Variants in LAMA1 observed in about 807,000 individuals in gnomAD.
LAMA1 encodes the protein laminin subunit alpha-1.
A neutral mutation model predicts 348.7 loss-of-function variants in LAMA1; 219 were observed. The ratio of observed to expected loss-of-function variants is 0.63; its 90% CI spans 0.56 to 0.70. The LOEUF (loss-of-function observed/expected upper bound fraction) is 0.70, where lower values mean the gene tolerates loss of function less well. Ranked by LOEUF, LAMA1 falls within the 30% of genes least tolerant of loss-of-function variation. LAMA1 has a pLI of 0.00. For missense variants in LAMA1, 3,744 were observed against 3,888.0 expected (o/e 0.96, Z 0.99); for synonymous variants, 1,487 against 1,491.0 (o/e 1.00, Z 0.06).
intron 3 of LAMA1, among the ~76,000 whole-genome samples, chr18:7,060,632 T>C (rs1043279488): frequency 1.3e-5 from 2 of 152,100 alleles, no homozygotes; most frequent in East Asian, 1.9e-4. Context: ...GTAAGAGAGA[T>C]GATTGCTGAC....
rs1219839690 is a variant in LAMA1 at position 6,965,815 on chromosome 18, T to G, written c.7050+332A>C. 5 of 405,244 alleles carry G rather than the reference T, an allele frequency of 1.2e-5. No individual in the cohort carries two copies. In the East Asian group the frequency reaches 2.6e-4, roughly 21 times the overall value. The allele number at this position is 405,244 out of a possible 1,614,324, so 25.1% of individuals were successfully genotyped here. A position where few individuals can be genotyped will look rare whatever the true frequency, so the allele number is the denominator to read the frequency against. On this transcript the variant is annotated intron_variant, in intron 49 of 62. Transcript: ENST00000389658. ...TCCCATGGATGGAATTCAAACAATG[T>G]CACGGTGGTCACAGTGAACCCAGAA...
At chr18:6,985,699 C>T (rs1197388461) in intron 37 of LAMA1, 56 bp from the exon 38 acceptor site, 21 of 1,059,640 alleles carry the variant, frequency 2.0e-5, no homozygotes, top group Non-Finnish European at 2.9e-5. Context: ...TGCTTCTGAC[C>T]TTTGGTGCCT....
chr18:6,971,184 A>G (rs2057656648), intron 48 of LAMA1, among the ~76,000 whole-genome samples: 2 of 152,220 alleles, frequency 1.3e-5, no homozygotes, highest in Non-Finnish European at 2.9e-5. Flanking sequence ...TTATATACTT[A>G]AGGAGTTGCA....
At chr18:7,070,393 T>C (rs2058141010) in intron 3 of LAMA1, among the ~76,000 whole-genome samples, 2 of 152,212 alleles carry the variant, frequency 1.3e-5, no homozygotes, top group Admixed American at 1.3e-4. Context: ...CCAATTTAGA[T>C]GCAATTCTTG....
At chr18:7,022,760 G>A (rs991831333) in intron 19 of LAMA1, among the ~76,000 whole-genome samples, 4 of 152,166 alleles carry the variant, frequency 2.6e-5, no homozygotes, top group African/African-American at 7.2e-5. Flanking sequence ...TGGGGTTACA[G>A]TCTTACCATT....
intron 11 of LAMA1, 92 bp from the exon 12 acceptor site, chr18:7,037,843 T>TG: frequency 7.5e-7 from 1 of 1,328,030 alleles, no homozygotes. Flanking sequence ...AATGAAGAAA[T>TG]GGGCCAGAAA....
chr18:7,098,942 C>T (rs542730552), intron 1 of LAMA1, among the ~76,000 whole-genome samples: 74 of 152,032 alleles, frequency 4.9e-4, no homozygotes, highest in African/African-American at 1.6e-3. Flanking sequence ...CCCCTCTGCC[C>T]GGCCACCACC....
intron 1 of LAMA1, among the ~76,000 whole-genome samples, chr18:7,091,222 T>C (rs1264423389): frequency 2.0e-5 from 3 of 152,250 alleles, no homozygotes; most frequent in Non-Finnish European, 4.4e-5. Flanking sequence ...ATTAAAATTA[T>C]TATTGCACTT....
At chr18:7,066,808 T>G (rs887627887) in intron 3 of LAMA1, among the ~76,000 whole-genome samples, 1 of 152,196 alleles carries the variant, frequency 6.6e-6, no homozygotes, top group African/African-American at 2.4e-5. Context: ...TTGAGCAATG[T>G]TTTTGAAAAA....
chr18:6,948,683 A>G, intron 59 of LAMA1, 127 bp from the exon 60 acceptor site: 3 of 1,044,872 alleles, frequency 2.9e-6, no homozygotes, highest in Non-Finnish European at 2.8e-6. Context: ...TTTGTTTTAA[A>G]ACTTTAATTG....
At chr18:6,975,824 G>T in intron 45 of LAMA1, 113 bp downstream of exon 45, 1 of 1,253,426 alleles carries the variant, frequency 8.0e-7, no homozygotes, top group Non-Finnish European at 1.2e-6. Flanking sequence ...CCCTATGGGA[G>T]ATTTAGAGAT....
Position 7,043,225 on chromosome 18 carries a change from A to T in LAMA1, c.1155+2T>A. On this transcript the variant is annotated splice_donor_variant, in intron 8 of 62. Transcript: ENST00000389658. LOFTEE classifies it high-confidence loss of function. ...TCAGCAATGGCAAAGAAATACTCTT[A>T]CTTTGTGTGGTCTATAATATCCATC... is the stretch of plus-strand genomic sequence containing the variant. The T allele has an allele frequency of 6.2e-7, 1 of 1,613,916 alleles. No individual in the cohort carries two copies. Among genetic ancestry groups the T allele is most frequent in the South Asian group, 1.1e-5 (1 of 91,070 alleles).
intron 34 of LAMA1, 149 bp from the exon 35 acceptor site, chr18:6,993,901 A>G (rs1289829724): frequency 1.4e-6 from 1 of 696,618 alleles, no homozygotes; most frequent in African/African-American, 1.8e-5. Flanking sequence ...ATTATCATGC[A>G]AGCCGAGCTT....
At chr18:6,956,477 C>T in intron 56 of LAMA1, 159 bp downstream of exon 56, 1 of 1,254,856 alleles carries the variant, frequency 8.0e-7, no homozygotes, top group South Asian at 1.2e-5. Context: ...GCACCCTTTC[C>T]CTCCCTGTCC....
At chr18:6,982,778 G>A (rs767729786) in intron 40 of LAMA1, among the ~76,000 whole-genome samples, 188 bp from the exon 41 acceptor site, 42 of 152,086 alleles carry the variant, frequency 2.8e-4, no homozygotes, top group Middle Eastern at 3.2e-3. Context: ...AAGTAGATAA[G>A]GAAGGAAACC....
chr18:7,002,032 C>A (rs528935135), intron 30 of LAMA1, among the ~76,000 whole-genome samples: 3 of 152,310 alleles, frequency 2.0e-5, no homozygotes, highest in African/African-American at 7.2e-5. Context: ...ACCTAAAAGT[C>A]CTTTCTTTAA....
intron 62 of LAMA1, among the ~76,000 whole-genome samples, 179 bp from the exon 63 acceptor site, chr18:6,942,418 ACTTTTTTTTTTT>A (rs1213412801): frequency 1.3e-5 from 2 of 151,548 alleles, no homozygotes; most frequent in Non-Finnish European, 1.5e-5. Flanking sequence ...TTCAGAGAAA[ACTTTTTTTTTTT>A]TGAGATGGAG....
rs768110659 is a variant in LAMA1 at position 7,034,475 on chromosome 18, A to G, written c.2051+4T>C. 3.7e-6 allele frequency: 6 copies of G among 1,611,758 alleles called. No individual in the cohort carries two copies. The highest frequency in any genetic ancestry group is 1.7e-5 in the Admixed American group (1 of 59,996). On this transcript the variant is annotated splice_donor_region_variant and intron_variant, in intron 14 of 62. Transcript: ENST00000389658. ...TAAGTTTTTCCTCCATTTTCAATAC[A>G]TACCTGTAAAGAGCCATTTTTGCAG... is the stretch of plus-strand genomic sequence containing the variant.
rs751802196 is a variant in LAMA1, at chr18:7,011,996, G to C, written c.3506C>G (p.Pro1169Arg). 6 of 1,603,766 alleles carry C rather than the reference G, an allele frequency of 3.7e-6. No individual in the cohort carries two copies. Among genetic ancestry groups the C allele is most frequent in the Non-Finnish European group, 4.3e-6 (5 of 1,174,520 alleles). The change falls in exon 24 of 63, where the codon CCA (proline) becomes CGA (arginine). Residue 1169 changes from proline (P) to arginine (R), a missense_variant and splice_region_variant. This residue lies in a region of LAMA1 where 1,529 missense variants were observed against 1,689.4 expected (regional missense o/e 0.91). Transcript: ENST00000389658. The part of the protein sequence containing the change: ...CSELEDYVRT[P>R]VTLGSDQPLL... ...ACACTTTCGCTGTGTGTGACTTACT[G>C]GGGTCCTCACGTAGTCCTCCAGCTC...
Sources: gnomAD v4.1 joint callset for allele counts (sites outside exome capture counted in the v4.1 genomes callset) on GRCh38, gnomAD v4.1.1 for gene constraint, gnomAD v4.1.1 regional missense constraint, MANE v1.5 for transcripts, NCBI Gene and HGNC (gene_info 2026-07-23, HGNC 2026-07-21) for gene names.